The following ATP9A variants were observed in gnomAD, a reference collection of about 807,000 sequenced individuals.
ATP9A encodes ATPase phospholipid transporting 9A.
Under a neutral mutation model 144.1 loss-of-function variants are expected in ATP9A, and 52 were observed. The ratio of observed to expected loss-of-function variants is 0.36; its 90% confidence interval spans 0.29 to 0.45. The LOEUF (loss-of-function observed/expected upper bound fraction) is 0.45. Among genes scored for constraint, ATP9A ranks in the 20% least tolerant of loss-of-function variants. The probability of loss-of-function intolerance (pLI) is 1.00; values close to 1 mark genes in which losing one functional copy is unlikely to be tolerated. For synonymous variants in ATP9A, 582 were observed against 557.4 expected (o/e 1.04, Z -0.62); for missense variants, 947 against 1,392.7 (o/e 0.68, Z 5.09).
intron 9 of ATP9A, among the ~76,000 whole-genome samples, chr20:51,680,243 A>C (rs1013584566): frequency 6.6e-6 from 1 of 151,864 alleles, no homozygotes; most frequent in Admixed American, 6.6e-5. Context: ...AAAAAAAAAA[A>C]AAACTTGTGG....
chr20:51,686,926 C>CTTT (rs11086353), intron 9 of ATP9A, among the ~76,000 whole-genome samples: 65 of 142,646 alleles, frequency 4.6e-4, no homozygotes, highest in African/African-American at 1.6e-3. Flanking sequence ...CAGAGGGACT[C>CTTT]TTTTTTTTTT....
chr20:51,690,109 CA>C (rs796336088), intron 8 of ATP9A, among the ~76,000 whole-genome samples: 304 of 59,874 alleles, frequency 5.1e-3, no homozygotes, highest in Non-Finnish European at 6.9e-3. Context: ...GAGACCGTCT[CA>C]AAAAAAAAAA....
intron 13 of ATP9A, among the ~76,000 whole-genome samples, chr20:51,667,508 G>A (rs2077437766): frequency 6.6e-6 from 1 of 152,166 alleles, no homozygotes; most frequent in Non-Finnish European, 1.5e-5. Flanking sequence ...CGAGGGAAGG[G>A]TCTAATTTGA....
At chr20:51,737,668 C>T (rs2077768101) in intron 1 of ATP9A, among the ~76,000 whole-genome samples, 1 of 152,216 alleles carries the variant, frequency 6.6e-6, no homozygotes, top group Admixed American at 6.5e-5. Context: ...GCTGTACCCA[C>T]TTCTGCATAT....
At chr20:51,743,676 T>C (rs1437678773) in intron 1 of ATP9A, among the ~76,000 whole-genome samples, 1 of 146,692 alleles carries the variant, frequency 6.8e-6, no homozygotes, top group Non-Finnish European at 1.5e-5. Context: ...GTGCTGGGAT[T>C]ATAGGCATGA....
intron 3 of ATP9A, among the ~76,000 whole-genome samples, chr20:51,724,180 A>T (rs1287438623): frequency 1.3e-5 from 2 of 152,152 alleles, no homozygotes; most frequent in Non-Finnish European, 2.9e-5. Context: ...TCAAAAATAA[A>T]TAAATAAAAA....
intron 9 of ATP9A, among the ~76,000 whole-genome samples, chr20:51,685,431 G>A (rs755537265): frequency 1.3e-5 from 2 of 151,926 alleles, no homozygotes; most frequent in African/African-American, 2.4e-5. Context: ...GCGTGTTGGC[G>A]GGCCCCTATA....
chr20:51,627,914 A>C (rs2077256121), intron 16 of ATP9A, among the ~76,000 whole-genome samples: 1 of 152,212 alleles, frequency 6.6e-6, no homozygotes, highest in South Asian at 2.1e-4. Context: ...GTCTTCAACT[A>C]GCACATGTAT....
At chr20:51,754,936 C>T (rs1442777817) in intron 1 of ATP9A, among the ~76,000 whole-genome samples, 2 of 151,344 alleles carry the variant, frequency 1.3e-5, no homozygotes, top group Admixed American at 1.3e-4. Flanking sequence ...ATGGTGAAAC[C>T]CCATCCCTAC....
chr20:51,698,542 C>T (rs148004254), intron 4 of ATP9A, among the ~76,000 whole-genome samples: 3 of 152,126 alleles, frequency 2.0e-5, no homozygotes, highest in Admixed American at 6.5e-5. Flanking sequence ...ATTTACTGAA[C>T]GCCTGCTGTA....
At chr20:51,740,316 C>T (rs2077779378) in intron 1 of ATP9A, among the ~76,000 whole-genome samples, 1 of 151,402 alleles carries the variant, frequency 6.6e-6, no homozygotes, top group African/African-American at 2.4e-5. Context: ...CCTCAGCCTC[C>T]CAAAGTGCTG....
chr20:51,708,403 A>G (rs2077623606), intron 4 of ATP9A, among the ~76,000 whole-genome samples: 1 of 152,154 alleles, frequency 6.6e-6, no homozygotes, highest in Admixed American at 6.5e-5. Flanking sequence ...TTTCCTCCCA[A>G]TAATGAGTTC....
At chr20:51,668,726 A>G (rs558736567) in intron 13 of ATP9A, among the ~76,000 whole-genome samples, 48 of 152,310 alleles carry the variant, frequency 3.2e-4, no homozygotes, top group Admixed American at 8.5e-4. Context: ...ACGCCTCCCC[A>G]TGGAGCCTGG....
At chr20:51,660,445 A>C (rs1308802270) in intron 13 of ATP9A, among the ~76,000 whole-genome samples, 1 of 152,244 alleles carries the variant, frequency 6.6e-6, no homozygotes, top group Non-Finnish European at 1.5e-5. Context: ...ATGTTGACAA[A>C]GGCCTCACTC....
At chr20:51,603,930 G>A (rs1419760373) in intron 27 of ATP9A, among the ~76,000 whole-genome samples, 1 of 152,086 alleles carries the variant, frequency 6.6e-6, no homozygotes, top group Admixed American at 6.6e-5. Flanking sequence ...ACAGGTGTGT[G>A]CCACCACGCC....
intron 3 of ATP9A, among the ~76,000 whole-genome samples, chr20:51,720,529 T>C (rs2077684138): frequency 6.6e-6 from 1 of 152,152 alleles, no homozygotes; most frequent in African/African-American, 2.4e-5. Flanking sequence ...TCTCAGTTTA[T>C]AAGGTAAAGC....
chr20:51,622,804 C>T (rs1025429981), intron 18 of ATP9A, among the ~76,000 whole-genome samples: 1 of 152,168 alleles, frequency 6.6e-6, no homozygotes, highest in Non-Finnish European at 1.5e-5. Context: ...AATGTGCTTC[C>T]TGCTCTGTGA....
At position 51,690,752 on chromosome 20, in the gene ATP9A, C is replaced by A. The variant is rs866579842; in HGVS notation, c.710G>T (p.Gly237Val). Residue 237 changes from glycine (G) to valine (V), a missense_variant, in exon 8 of 28, where the codon GGA becomes GTA. By Grantham distance (109) the Gly-to-Val change is moderately radical. This residue lies in a region of ATP9A where 770 missense variants were observed against 1,047.9 expected (regional missense o/e 0.73). Transcript: ENST00000338821. ...EPNIDIHNFV[G>V]TFTREDSDPP... ...AAGCTCACTTACTCGGGTAAAAGTT[C>A]CCACGAAGTTGTGAATGTCAATATT... 1 of 1,613,994 alleles carries A rather than the reference C, an allele frequency of 6.2e-7. No homozygotes were observed. Among genetic ancestry groups the A allele is most frequent in the South Asian group, 1.1e-5 (1 of 91,066 alleles).
At chr20:51,677,957 G>A (rs1042806403) in intron 9 of ATP9A, among the ~76,000 whole-genome samples, 1 of 152,070 alleles carries the variant, frequency 6.6e-6, no homozygotes, top group African/African-American at 2.4e-5. Flanking sequence ...GAGAAATTTG[G>A]CAGTATCTGT....
Sources: gnomAD v4.1 joint callset for allele counts (sites outside exome capture counted in the v4.1 genomes callset) on GRCh38, gnomAD v4.1.1 for gene constraint, gnomAD v4.1.1 regional missense constraint, MANE v1.5 for transcripts, NCBI Gene and HGNC (gene_info 2026-07-23, HGNC 2026-07-21) for gene names.